Variants in NRG3 observed in about 807,000 individuals in gnomAD.
NRG3 encodes pro-neuregulin-3, membrane-bound isoform.
Under a neutral mutation model 66.9 loss-of-function variants are expected in NRG3, and 31 were observed. That is an observed-to-expected ratio of 0.46 (90% confidence interval 0.35 to 0.63). The LOEUF is 0.63. Among genes scored for constraint, NRG3 ranks in the 20% least tolerant of loss-of-function variants. The pLI, the probability that NRG3 is intolerant of heterozygous loss-of-function variation, is 0.00. For missense variants in NRG3, 910 were observed against 878.9 expected (o/e 1.04, Z -0.45); for synonymous variants, 393 against 359.4 (o/e 1.09, Z -1.06).
intron 2 of NRG3, among the ~76,000 whole-genome samples, chr10:82,703,295 A>C (rs2056040646): frequency 6.6e-6 from 1 of 152,178 alleles, no homozygotes; most frequent in Admixed American, 6.6e-5. Flanking sequence ...CCTTCACCAT[A>C]TATATTGGCA....
At chr10:82,408,170 G>C (rs1171178888) in intron 2 of NRG3, among the ~76,000 whole-genome samples, 4 of 150,488 alleles carry the variant, frequency 2.7e-5, no homozygotes, top group Non-Finnish European at 4.4e-5. Flanking sequence ...TAACAATTTG[G>C]AAATGTACTT....
At chr10:82,517,620 T>A (rs1203197448) in intron 2 of NRG3, among the ~76,000 whole-genome samples, 1 of 117,694 alleles carries the variant, frequency 8.5e-6, no homozygotes. Flanking sequence ...TCTCTCTCTC[T>A]CTCACCCCGC....
chr10:82,414,016 G>A (rs1346881545), intron 2 of NRG3, among the ~76,000 whole-genome samples: 4 of 151,992 alleles, frequency 2.6e-5, no homozygotes, highest in Non-Finnish European at 4.4e-5. Flanking sequence ...CTTATTATCT[G>A]TGTGTTCATT....
chr10:82,871,124 A>G (rs561619918), intron 4 of NRG3, among the ~76,000 whole-genome samples: 25 of 152,258 alleles, frequency 1.6e-4, no homozygotes, highest in Admixed American at 1.4e-3. Flanking sequence ...GTCTAGGTGC[A>G]TGTTTTATTG....
chr10:82,152,944 C>T (rs182063706), intron 1 of NRG3, among the ~76,000 whole-genome samples: 2 of 149,752 alleles, frequency 1.3e-5, no homozygotes, highest in Non-Finnish European at 3.0e-5. Flanking sequence ...ATAATAATTG[C>T]ATGTATTAAT....
chr10:82,442,833 C>G (rs1481708448), intron 2 of NRG3, among the ~76,000 whole-genome samples: 2 of 105,386 alleles, frequency 1.9e-5, no homozygotes, highest in Non-Finnish European at 3.5e-5. Context: ...TAAGATACAT[C>G]GAGGAGGCAG....
intron 1 of NRG3, among the ~76,000 whole-genome samples, chr10:82,079,410 C>T (rs2065268971): frequency 1.3e-5 from 2 of 152,210 alleles, no homozygotes; most frequent in Non-Finnish European, 2.9e-5. Flanking sequence ...TTCCCATATA[C>T]CTACTGCCCC....
At chr10:82,047,449 C>A (rs2063354851) in intron 1 of NRG3, among the ~76,000 whole-genome samples, 1 of 152,088 alleles carries the variant, frequency 6.6e-6, no homozygotes, top group Non-Finnish European at 1.5e-5. Flanking sequence ...CAATATTCAA[C>A]ATTCTTAAAG....
At chr10:82,776,586 T>G (rs1334150969) in intron 3 of NRG3, among the ~76,000 whole-genome samples, 1 of 152,128 alleles carries the variant, frequency 6.6e-6, no homozygotes, top group African/African-American at 2.4e-5. Context: ...TAATGGTGTT[T>G]AATAAGTCCC....
chr10:82,139,375 C>A (rs1429832192), intron 1 of NRG3, among the ~76,000 whole-genome samples: 4 of 152,124 alleles, frequency 2.6e-5, no homozygotes, highest in Non-Finnish European at 5.9e-5. Flanking sequence ...ATGACACCAT[C>A]ATGCTTCAGT....
chr10:82,318,925 A>G (rs1207108911), intron 1 of NRG3, among the ~76,000 whole-genome samples: 2 of 152,214 alleles, frequency 1.3e-5, no homozygotes, highest in African/African-American at 2.4e-5. Context: ...CCTCTTGGGA[A>G]AAGTAACTCC....
At chr10:82,314,961 T>C (rs1327442109) in intron 1 of NRG3, among the ~76,000 whole-genome samples, 1 of 152,218 alleles carries the variant, frequency 6.6e-6, no homozygotes, top group African/African-American at 2.4e-5. Flanking sequence ...TTTTTTACAC[T>C]ATAAACTGAT....
chr10:81,995,433 A>G (rs1457437176), intron 1 of NRG3, among the ~76,000 whole-genome samples: 4 of 152,110 alleles, frequency 2.6e-5, no homozygotes. Flanking sequence ...CATGTTTACT[A>G]TGGAATGCAT....
At chr10:82,278,945 C>T (rs1268302422) in intron 1 of NRG3, among the ~76,000 whole-genome samples, 3 of 152,144 alleles carry the variant, frequency 2.0e-5, no homozygotes, top group African/African-American at 7.2e-5. Context: ...GCTTCGGTTT[C>T]CTCACACAGT....
chr10:82,919,594 C>G (rs150833984), intron 4 of NRG3, among the ~76,000 whole-genome samples: 2,181 of 152,004 alleles, frequency 0.014, 18 homozygotes, highest in Non-Finnish European at 0.022. Flanking sequence ...TCAGATGATC[C>G]CTAGGAAAAA....
rs1590742817 is a variant in NRG3 at position 82,578,447 on chromosome 10, A to G, written c.954-160130A>G. 2.0e-5 allele frequency among the ~76,000 whole-genome samples: 3 copies of G among 151,308 alleles called. No homozygotes were observed. In the Admixed American group the frequency reaches 2.0e-4, roughly 10 times the overall value. ...CTTGGCAATAAGTAAACAAATAAGT[A>G]TTGCTGTGTTACAATAAAACTTTAT... is the stretch of plus-strand genomic sequence containing the variant. On this transcript the variant is annotated intron_variant, in intron 2 of 8. Coordinates refer to ENST00000372141, the MANE Select transcript of NRG3 (RefSeq NM_001010848.4).
intron 1 of NRG3, among the ~76,000 whole-genome samples, chr10:81,938,275 A>G (rs186188606): frequency 6.6e-6 from 1 of 152,056 alleles, no homozygotes; most frequent in Admixed American, 6.6e-5. Context: ...TGCCATTTGG[A>G]TTTTGAAAGG....
chr10:82,457,626 A>G (rs547055999), intron 2 of NRG3, among the ~76,000 whole-genome samples: 3 of 152,266 alleles, frequency 2.0e-5, no homozygotes, highest in Non-Finnish European at 4.4e-5. Flanking sequence ...ATACCTGGTG[A>G]GCTGAACCAA....
chr10:82,300,938 C>T (rs1291140764), intron 1 of NRG3, among the ~76,000 whole-genome samples: 1 of 151,688 alleles, frequency 6.6e-6, no homozygotes, highest in Non-Finnish European at 1.5e-5. Context: ...CAAATTCAGC[C>T]TGGGCAACCT....
Sources: gnomAD v4.1 joint callset for allele counts (sites outside exome capture counted in the v4.1 genomes callset) on GRCh38, gnomAD v4.1.1 for gene constraint, MANE v1.5 for transcripts, NCBI Gene and HGNC (gene_info 2026-07-23, HGNC 2026-07-21) for gene names.